The following BLNK variants were observed in gnomAD, a reference collection of about 807,000 sequenced individuals.
BLNK encodes B-cell linker protein.
A neutral mutation model predicts 73.5 loss-of-function variants in BLNK; 29 were observed. The ratio of observed to expected loss-of-function variants is 0.39; its 90% confidence interval spans 0.29 to 0.54. The LOEUF (loss-of-function observed/expected upper bound fraction) is 0.54, where lower values mean the gene tolerates loss of function less well. BLNK is among the 20% of genes least tolerant of loss of function. The pLI is 0.61. For synonymous variants in BLNK, 176 were observed against 200.8 expected, an observed-to-expected ratio of 0.88 and a Z score of 1.04; for missense variants, 460 against 562.8, an observed-to-expected ratio of 0.82 and a Z score of 1.85.
Position 96,228,095 on chromosome 10 carries a change from C to T in BLNK, c.205-529G>A, listed in dbSNP as rs67305341. 1.7e-3 allele frequency among the ~76,000 whole-genome samples: 192 copies of T among 115,364 alleles called. 10 individuals carry two copies. Among genetic ancestry groups the T allele is most frequent in the Non-Finnish European group, 1.5e-3 (81 of 53,200 alleles). 75.7% of individuals were successfully genotyped at this position (115,364 alleles called of 152,430 possible). A position where few individuals can be genotyped will look rare whatever the true frequency, so the allele number is the denominator to read the frequency against. On this transcript the variant is annotated intron_variant, in intron 4 of 16. Transcript: ENST00000224337. ...ACTCAGGGTTTGCTCTCTTTTTTTT[C>T]TTTTTTTTTTTTTCCTGTTTTTGAG...
At chr10:96,246,166 T>C (rs1261939057) in intron 2 of BLNK, among the ~76,000 whole-genome samples, 1 of 131,718 alleles carries the variant, frequency 7.6e-6, no homozygotes, top group African/African-American at 2.7e-5. Flanking sequence ...GAGTTTTTGA[T>C]GTACAAGGAG....
intron 6 of BLNK, 103 bp downstream of exon 6, chr10:96,223,723 A>G: frequency 1.4e-6 from 2 of 1,382,682 alleles, no homozygotes; most frequent in South Asian, 2.4e-5. Context: ...GGCAGTCAAT[A>G]GCAGGTTGTA....
intron 8 of BLNK, among the ~76,000 whole-genome samples, chr10:96,212,765 A>G (rs1554898961): frequency 6.6e-6 from 1 of 152,204 alleles, no homozygotes; most frequent in African/African-American, 2.4e-5. Context: ...CCACTGGGGG[A>G]CTATCTGAAG....
chr10:96,225,628 C>A (rs1842219007), intron 5 of BLNK, among the ~76,000 whole-genome samples: 1 of 150,582 alleles, frequency 6.6e-6, no homozygotes, highest in African/African-American at 2.5e-5. Context: ...AGGAGACAGG[C>A]TTTGAAGAGT....
intron 11 of BLNK, 83 bp downstream of exon 11, chr10:96,206,927 AT>A: frequency 7.1e-7 from 1 of 1,412,860 alleles, no homozygotes; most frequent in South Asian, 1.2e-5. Flanking sequence ...TGCCCCAAAA[AT>A]AATGTAATAA....
intron 6 of BLNK, among the ~76,000 whole-genome samples, chr10:96,220,574 C>T (rs1486920669): frequency 6.6e-6 from 1 of 152,154 alleles, no homozygotes; most frequent in African/African-American, 2.4e-5. Flanking sequence ...ATTTTATGTC[C>T]TTTATTAGGA....
chr10:96,241,910 G>A (rs2134077883), intron 3 of BLNK, among the ~76,000 whole-genome samples: 1 of 152,086 alleles, frequency 6.6e-6, no homozygotes, highest in South Asian at 2.1e-4. Flanking sequence ...TGTAGAGACA[G>A]GGTTTTGCCA....
At position 96,200,047 on chromosome 10, in the gene BLNK, A is replaced by G; in HGVS notation, c.1095+28T>C. On this transcript the variant is annotated intron_variant, in intron 15 of 16. Coordinates refer to ENST00000224337, the MANE Select transcript of BLNK (RefSeq NM_013314.4). The surrounding 1 kb of genome is among the most constrained non-coding windows in gnomAD (Gnocchi z 4.3). ...AAATAAATAAAATAAAATAAAATAA[A>G]AATAATAAATAATAAAAATGATCAG... is the stretch of plus-strand genomic sequence containing the variant. 7.4e-7 allele frequency: 1 copy of G among 1,359,894 alleles called. No homozygotes were observed. Among genetic ancestry groups the G allele is most frequent in the East Asian group, 2.8e-5 (1 of 36,148 alleles). The allele number at this position is 1,359,894 out of a possible 1,614,324, so 84.2% of individuals were successfully genotyped here.
intron 3 of BLNK, among the ~76,000 whole-genome samples, chr10:96,236,987 G>C (rs1368985920): frequency 6.6e-6 from 1 of 152,172 alleles, no homozygotes; most frequent in Non-Finnish European, 1.5e-5. Flanking sequence ...GAGTCACTTT[G>C]CCTCTCTGGT....
intron 3 of BLNK, among the ~76,000 whole-genome samples, chr10:96,231,849 C>T (rs1488607073): frequency 6.6e-6 from 1 of 152,116 alleles, no homozygotes; most frequent in Non-Finnish European, 1.5e-5. Flanking sequence ...TTGAACCCTA[C>T]AGGTTGCCTT....
chr10:96,241,734 C>CTT (rs34238526), intron 3 of BLNK, among the ~76,000 whole-genome samples: 9 of 142,532 alleles, frequency 6.3e-5, no homozygotes, highest in African/African-American at 1.8e-4. Flanking sequence ...TCTTTTCTTT[C>CTT]TTTTTTTTTT....
At chr10:96,231,872 G>T (rs781910084) in intron 3 of BLNK, among the ~76,000 whole-genome samples, 5 of 152,200 alleles carry the variant, frequency 3.3e-5, no homozygotes, top group Non-Finnish European at 7.4e-5. Flanking sequence ...ACGGGCATGC[G>T]CTGAGCCCCC....
chr10:96,217,583 CT>C (rs1256220959), intron 6 of BLNK, among the ~76,000 whole-genome samples: 1 of 152,056 alleles, frequency 6.6e-6, no homozygotes, highest in East Asian at 1.9e-4. Flanking sequence ...TTTTTATATA[CT>C]TATTGTCAAT....
At position 96,189,477 on chromosome 10, in the gene BLNK, T is replaced by C. The variant is rs1157123549; in HGVS notation, c.*2496A>G. On this transcript the variant is annotated 3_prime_UTR_variant, in exon 17 of 17. Transcript: ENST00000224337. ...CACTTTGGGAAGAGAACCACCTTTT[T>C]CTATACTTGCTTGCATTTTTGATTT... The C allele has an allele frequency of 3.0e-5, 19 of 631,424 alleles. No individual in the cohort carries two copies. Among genetic ancestry groups the C allele is most frequent in the Non-Finnish European group, 4.7e-5 (16 of 337,456 alleles). 39.1% of individuals were successfully genotyped at this position (631,424 alleles called of 1,614,324 possible).
intron 1 of BLNK, among the ~76,000 whole-genome samples, chr10:96,253,969 C>T (rs12784112): frequency 5.3e-5 from 8 of 150,694 alleles, no homozygotes; most frequent in African/African-American, 7.3e-5. Context: ...TGCAGTGAGC[C>T]GAGATCGTGC....
Position 96,199,931 on chromosome 10 carries a change from T to C in BLNK, c.1095+144A>G, listed in dbSNP as rs781797610. 1.2e-5 allele frequency: 5 copies of C among 425,244 alleles called. No homozygotes were observed. In the South Asian group the frequency reaches 1.9e-4, roughly 16 times the overall value. The allele number at this position is 425,244 out of a possible 1,614,324, so 26.3% of individuals were successfully genotyped here. ...CCCAGCTGCTTGGGAGGCTGAGGCA[T>C]GAGAATCACTTGAACTTGGGAGGCA... On this transcript the variant is annotated intron_variant, in intron 15 of 16. Coordinates refer to ENST00000224337, the MANE Select transcript of BLNK (RefSeq NM_013314.4).
chr10:96,229,724 G>A (rs989035473), intron 4 of BLNK, among the ~76,000 whole-genome samples: 12 of 151,674 alleles, frequency 7.9e-5, no homozygotes, highest in Admixed American at 3.3e-4. Flanking sequence ...AGCAGGGGGC[G>A]CAGCTGCAGT....
At chr10:96,230,908 T>C (rs1347040412) in intron 3 of BLNK, 74 bp from the exon 4 acceptor site, 4 of 1,500,874 alleles carry the variant, frequency 2.7e-6, no homozygotes, top group Non-Finnish European at 3.7e-6. Flanking sequence ...TCCACACACA[T>C]TTCGCACCTG....
At chr10:96,244,881 G>A (rs1160470433) in intron 2 of BLNK, among the ~76,000 whole-genome samples, 1 of 152,020 alleles carries the variant, frequency 6.6e-6, no homozygotes, top group Non-Finnish European at 1.5e-5. Context: ...GAGAACTGGT[G>A]TATTGTAAAA....
Sources: gnomAD v4.1 joint callset for allele counts (sites outside exome capture counted in the v4.1 genomes callset) on GRCh38, gnomAD v4.1.1 for gene constraint, Gnocchi (gnomAD v3.1) non-coding constraint, MANE v1.5 for transcripts, NCBI Gene and HGNC (gene_info 2026-07-23, HGNC 2026-07-21) for gene names.